The following NANOG variants were observed in gnomAD, a reference collection of about 807,000 sequenced individuals.
NANOG encodes the protein Nanog homeobox.
In NANOG, 2 loss-of-function variants were observed where a neutral mutation model predicts 17.7. The ratio of observed to expected loss-of-function variants is 0.11; its 90% CI spans 0.05 to 0.36. The LOEUF is 0.36. Ranked by LOEUF, NANOG falls within the 10% of genes least tolerant of loss-of-function variation. NANOG has a pLI of 1.00. For synonymous variants in NANOG, 81 were observed against 124.7 expected, an observed-to-expected ratio of 0.65 and a Z score of 2.33; for missense variants, 174 against 362.1, an observed-to-expected ratio of 0.48 and a Z score of 4.22.
chr12:7,794,602 C>T, intron 3 of NANOG, 59 bp downstream of exon 3: 3 of 1,606,304 alleles, frequency 1.9e-6, no homozygotes, highest in Non-Finnish European at 2.6e-6. Flanking sequence ...TTGTCCATCC[C>T]TGAAACACAC....
rs1862914413 is a variant in NANOG at position 7,795,439 on chromosome 12, A to C, written c.*344A>C. On this transcript the variant is annotated 3_prime_UTR_variant, in exon 4 of 4. Transcript: ENST00000229307. Reference sequence around the variant, plus strand: ...CGGGTTCACGCCATTCTCCTGCCTCAGCCTCCCGAGCAGCTGGGACTACAG... The same window carrying C: ...CGGGTTCACGCCATTCTCCTGCCTCCGCCTCCCGAGCAGCTGGGACTACAG... 1 of 309,240 alleles carries C rather than the reference A, an allele frequency of 3.2e-6. No homozygotes were observed. Among genetic ancestry groups the C allele is most frequent in the South Asian group, 3.0e-5 (1 of 33,408 alleles). The allele number at this position is 309,240 out of a possible 1,614,324, so 19.2% of individuals were successfully genotyped here. A position where few individuals can be genotyped will look rare whatever the true frequency, so the allele number is the denominator to read the frequency against.
chr12:7,793,381 C>T (rs1862870779), intron 2 of NANOG, among the ~76,000 whole-genome samples, 169 bp downstream of exon 2: 1 of 151,558 alleles, frequency 6.6e-6, no homozygotes, highest in Non-Finnish European at 1.5e-5. Context: ...CTCTTTCTTT[C>T]CTTAAATATT....
In NANOG at chr12:7,798,384, T is replaced by C. The variant is rs1862957567; in HGVS notation, c.*3289T>C. 1 of 152,068 alleles carries C rather than the reference T, an allele frequency of 6.6e-6. No individual in the cohort carries two copies. The highest frequency in any genetic ancestry group is 1.5e-5 in the Non-Finnish European group (1 of 68,002). The allele number at this position is 152,068 out of a possible 1,614,324, so 9.4% of individuals were successfully genotyped here. A position where few individuals can be genotyped will look rare whatever the true frequency, so the allele number is the denominator to read the frequency against. ...TCACTGTCTCAAAAATAAACAAAAA[T>C]AATAGGAGATTAGGCAAAAAGGATA... is the stretch of plus-strand genomic sequence containing the variant. On this transcript the variant is annotated 3_prime_UTR_variant, in exon 4 of 4. Coordinates refer to ENST00000229307, the MANE Select transcript of NANOG (RefSeq NM_024865.4).
At chr12:7,792,457 G>C (rs1216073444) in intron 1 of NANOG, among the ~76,000 whole-genome samples, 2 of 152,056 alleles carry the variant, frequency 1.3e-5, no homozygotes. Flanking sequence ...ACGAGGTCAG[G>C]AGTTCGAGAC....
At chr12:7,790,237 A>G (rs1342188192) in intron 1 of NANOG, among the ~76,000 whole-genome samples, 2 of 152,190 alleles carry the variant, frequency 1.3e-5, no homozygotes, top group African/African-American at 2.4e-5. Flanking sequence ...GATTTCTGTA[A>G]TACATAATTT....
Position 7,789,547 on chromosome 12 carries a change from T to A in NANOG, c.-68T>A, listed in dbSNP as rs1255282126. 3 of 1,452,316 alleles carry A rather than the reference T, an allele frequency of 2.1e-6. No homozygotes were observed. The African/African-American group carries it at 4.2e-5, about 20-fold the overall frequency. The allele number at this position is 1,452,316 out of a possible 1,614,324, so 90.0% of individuals were successfully genotyped here. On this transcript the variant is annotated 5_prime_UTR_variant, in exon 1 of 4. Transcript: ENST00000229307. ...TTCTCTAACATCTTCCAGAAAAGTC[T>A]TAAAGCTGCCTTAACCTTTTTTCCA...
intron 1 of NANOG, among the ~76,000 whole-genome samples, chr12:7,791,870 C>G (rs1038744933): frequency 1.6e-4 from 25 of 152,158 alleles, no homozygotes; most frequent in African/African-American, 5.8e-4. Flanking sequence ...CTGGTCCTAG[C>G]ATTGAGAACT....
chr12:7,798,327 T>G lies in NANOG; in HGVS notation c.*3232T>G, dbSNP rs1352648157. ...GGGAGGTTGCAGTGACCCCAGATAA[T>G]GCCACCCCACTCCAGCCTGGGCGAC... is the stretch of plus-strand genomic sequence containing the variant. On this transcript the variant is annotated 3_prime_UTR_variant, in exon 4 of 4. Transcript: ENST00000229307. 6.6e-6 allele frequency: 1 copy of G among 152,104 alleles called. No individual in the cohort carries two copies. The highest frequency in any genetic ancestry group is 1.5e-5 in the Non-Finnish European group (1 of 68,030). The allele number at this position is 152,104 out of a possible 1,614,324, so 9.4% of individuals were successfully genotyped here. A position where few individuals can be genotyped will look rare whatever the true frequency, so the allele number is the denominator to read the frequency against.
rs1174648715 is a variant in NANOG, at chr12:7,797,008, C to T, written c.*1913C>T. The T allele has an allele frequency of 2.6e-5, 4 of 151,822 alleles. No homozygotes were observed. The highest frequency in any genetic ancestry group is 4.4e-5 in the Non-Finnish European group (3 of 68,074). The allele number at this position is 151,822 out of a possible 1,614,324, so 9.4% of individuals were successfully genotyped here. A position where few individuals can be genotyped will look rare whatever the true frequency, so the allele number is the denominator to read the frequency against. ...AACTCCTGACCTCATGATCCACCAG[C>T]CTTGGCCTCCCAAAGTGTTGGGATT... On this transcript the variant is annotated 3_prime_UTR_variant, in exon 4 of 4. Coordinates refer to ENST00000229307, the MANE Select transcript of NANOG (RefSeq NM_024865.4).
Position 7,796,773 on chromosome 12 carries a change from T to G in NANOG, c.*1678T>G, listed in dbSNP as rs1592119492. ...AGTGTTTTTTTTTTGTTTTATTTTG[T>G]TTTTTTTTAAGACTGGAGTCTTACT... On this transcript the variant is annotated 3_prime_UTR_variant, in exon 4 of 4. Transcript: ENST00000229307. The G allele has an allele frequency of 5.8e-5, 1 of 17,172 alleles. No individual in the cohort carries two copies. Among genetic ancestry groups the G allele is most frequent in the Non-Finnish European group, 3.7e-4 (1 of 2,698 alleles). The allele number at this position is 17,172 out of a possible 1,614,324, so 1.1% of individuals were successfully genotyped here. A position where few individuals can be genotyped will look rare whatever the true frequency, so the allele number is the denominator to read the frequency against.
Position 7,789,458 on chromosome 12 carries a change from T to C in NANOG, c.-157T>C. 1.6e-6 allele frequency: 1 copy of C among 634,092 alleles called. No homozygotes were observed. The highest frequency in any genetic ancestry group is 1.8e-5 in the African/African-American group (1 of 54,500). 39.3% of individuals were successfully genotyped at this position (634,092 alleles called of 1,614,324 possible). ...CTGCTGGACTGAGCTGGTTGCCTCATGTTATTATGCAGGCAACTCACTTTA... is the reference window on the plus strand; with the variant it reads ...CTGCTGGACTGAGCTGGTTGCCTCACGTTATTATGCAGGCAACTCACTTTA... On this transcript the variant is annotated 5_prime_UTR_variant, in exon 1 of 4. An upstream start codon of the reference 5' UTR is lost. Transcript: ENST00000229307.
chr12:7,794,430 T>A, intron 2 of NANOG, 27 bp from the exon 3 acceptor site: 1 of 1,589,152 alleles, frequency 6.3e-7, no homozygotes, highest in South Asian at 1.1e-5. Flanking sequence ...ATGAATATTT[T>A]ACAATTTCTA....
chr12:7,794,707 T>C lies in NANOG; in HGVS notation c.530T>C (p.Leu177Pro), dbSNP rs1862892801. Residue 177 changes from leucine (L) to proline (P), a missense_variant, in exon 4 of 4, where the codon CTT becomes CCT. By Grantham distance (98) the Leu-to-Pro change is moderately conservative. This residue lies in a region of NANOG where 158 missense variants were observed against 244.2 expected (regional missense o/e 0.65). Coordinates refer to ENST00000229307, the MANE Select transcript of NANOG (RefSeq NM_024865.4). ...QKASAPTYPSLYSSYHQGCLV... is the reference protein window; with the variant it reads ...QKASAPTYPSPYSSYHQGCLV... ...GCCTCAGCACCTACCTACCCCAGCC[T>C]TTACTCTTCCTACCACCAGGGATGC... is the stretch of plus-strand genomic sequence containing the variant. 6.3e-7 allele frequency: 1 copy of C among 1,597,692 alleles called. No individual in the cohort carries two copies. The highest frequency in any genetic ancestry group is 1.1e-5 in the South Asian group (1 of 87,624).
In NANOG at chr12:7,798,673, T is replaced by G. The variant is rs193043463; in HGVS notation, c.*3578T>G. Reference sequence around the variant, plus strand: ...TCAGAAGTGGGAGGAATACAGGCCTTGATTAGTGAATTTCAAGCTCAGTTC... The same window carrying G: ...TCAGAAGTGGGAGGAATACAGGCCTGGATTAGTGAATTTCAAGCTCAGTTC... On this transcript the variant is annotated 3_prime_UTR_variant, in exon 4 of 4. Transcript: ENST00000229307. The G allele has an allele frequency of 5.9e-5, 8 of 135,584 alleles. No homozygotes were observed. Among genetic ancestry groups the G allele is most frequent in the African/African-American group, 2.3e-4 (8 of 35,406 alleles). The allele number at this position is 135,584 out of a possible 1,614,324, so 8.4% of individuals were successfully genotyped here. A position where few individuals can be genotyped will look rare whatever the true frequency, so the allele number is the denominator to read the frequency against.
At position 7,789,430 on chromosome 12, in the gene NANOG, G is replaced by C; in HGVS notation, c.-185G>C. 1 of 600,238 alleles carries C rather than the reference G, an allele frequency of 1.7e-6. No individual in the cohort carries two copies. Among genetic ancestry groups the C allele is most frequent in the Non-Finnish European group, 2.9e-6 (1 of 339,588 alleles). The allele number at this position is 600,238 out of a possible 1,614,324, so 37.2% of individuals were successfully genotyped here. A position where few individuals can be genotyped will look rare whatever the true frequency, so the allele number is the denominator to read the frequency against. On this transcript the variant is annotated 5_prime_UTR_variant, in exon 1 of 4. Coordinates refer to ENST00000229307, the MANE Select transcript of NANOG (RefSeq NM_024865.4). ...AATCTAGAGACTCCAGGATTTTAAC[G>C]TTCTGCTGGACTGAGCTGGTTGCCT...
chr12:7,790,382 T>A (rs1862823178), intron 1 of NANOG, among the ~76,000 whole-genome samples: 1 of 152,224 alleles, frequency 6.6e-6, no homozygotes, highest in Non-Finnish European at 1.5e-5. Flanking sequence ...TTGACCCAAC[T>A]TTATGGTAAA....
At chr12:7,791,489 T>C (rs1314819101) in intron 1 of NANOG, among the ~76,000 whole-genome samples, 2 of 152,180 alleles carry the variant, frequency 1.3e-5, no homozygotes, top group East Asian at 3.8e-4. Flanking sequence ...TATAGGTAGC[T>C]AATATTTAGG....
In NANOG at chr12:7,793,102, T is replaced by G. The variant is rs1189232311; in HGVS notation, c.304T>G (p.Phe102Val). Reference protein sequence around the residue: ...PVKKQKTRTVFSSTQLCVLND... With the variant: ...PVKKQKTRTVVSSTQLCVLND... ...CAAGAAACAGAAGACCAGAACTGTGTTCTCTTCCACCCAGCTGTGTGTACT... is the reference window on the plus strand; with the variant it reads ...CAAGAAACAGAAGACCAGAACTGTGGTCTCTTCCACCCAGCTGTGTGTACT... The change falls in exon 2 of 4, where the codon TTC (phenylalanine) becomes GTC (valine). Residue 102 changes from phenylalanine (F) to valine (V), a missense_variant. Transcript: ENST00000229307. 6.2e-7 allele frequency: 1 copy of G among 1,609,088 alleles called. No homozygotes were observed. Among genetic ancestry groups the G allele is most frequent in the African/African-American group, 1.3e-5 (1 of 74,974 alleles).
chr12:7,794,662 C>A lies in NANOG; in HGVS notation c.502-17C>A, dbSNP rs1280340212. On this transcript the variant is annotated splice_polypyrimidine_tract_variant and intron_variant, in intron 3 of 3. Transcript: ENST00000229307. The stretch of plus-strand genomic sequence containing the variant: ...TTGTCCTTGTACCCTTTCTGTTAAT[C>A]CCTCCTTCTCTTTCAGAAGGCCTCA... 2 of 1,611,028 alleles carry A rather than the reference C, an allele frequency of 1.2e-6. No individual in the cohort carries two copies. Among genetic ancestry groups the A allele is most frequent in the Non-Finnish European group, 1.7e-6 (2 of 1,177,940 alleles).
Sources: gnomAD v4.1 joint callset for allele counts (sites outside exome capture counted in the v4.1 genomes callset) on GRCh38, gnomAD v4.1.1 for gene constraint, gnomAD v4.1.1 regional missense constraint, MANE v1.5 for transcripts, NCBI Gene and HGNC (gene_info 2026-07-23, HGNC 2026-07-21) for gene names.